Variants in SV2C observed in about 807,000 individuals in gnomAD.
The protein encoded by SV2C is synaptic vesicle glycoprotein 2C, also known as solute carrier family 22 member B3.
Under a neutral mutation model 79.7 loss-of-function variants are expected in SV2C, and 49 were observed. The observed-to-expected ratio is 0.61, with a 90% confidence interval of 0.49 to 0.78. The LOEUF is 0.78. SV2C is among the 30% of genes least tolerant of loss of function. SV2C has a pLI of 0.00. For synonymous variants in SV2C, 334 were observed against 333.2 expected (o/e 1.00, Z -0.03); for missense variants, 833 against 912.9 (o/e 0.91, Z 1.13).
intron 1 of SV2C, among the ~76,000 whole-genome samples, chr5:76,112,083 G>C (rs997793483): frequency 1.3e-5 from 2 of 152,202 alleles, no homozygotes; most frequent in Non-Finnish European, 2.9e-5. Flanking sequence ...AATGTATCAG[G>C]CATTCTGCTA....
chr5:76,161,387 T>C (rs10074325), intron 2 of SV2C, among the ~76,000 whole-genome samples: 100,873 of 152,078 alleles, frequency 0.66, 34,438 homozygotes, highest in East Asian at 0.97. Flanking sequence ...GATGGGATGG[T>C]GGTGGGGTGG....
chr5:76,280,682 T>C (rs554997703), intron 4 of SV2C, among the ~76,000 whole-genome samples: 3 of 152,258 alleles, frequency 2.0e-5, no homozygotes, highest in South Asian at 4.1e-4. Context: ...GCCTGGCTGC[T>C]TTCCCCGGGG....
chr5:76,121,296 A>C (rs961867668), intron 1 of SV2C, among the ~76,000 whole-genome samples: 2 of 152,046 alleles, frequency 1.3e-5, no homozygotes, highest in African/African-American at 4.8e-5. Flanking sequence ...AGGTTGCAAA[A>C]ATTTTCTCCC....
Position 76,132,040 on chromosome 5 carries a change from C to G in SV2C, c.290C>G (p.Pro97Arg), listed in dbSNP as rs368758509. The G allele has an allele frequency of 1.2e-6, 2 of 1,611,804 alleles. No homozygotes were observed. The highest frequency in any genetic ancestry group is 1.7e-5 in the Admixed American group (1 of 59,880). ...TATGAGGGGGAGTATCAGGGCATCCCCAGTATGAACCAAGCGAAGGACAGC... is the reference window on the plus strand; with the variant it reads ...TATGAGGGGGAGTATCAGGGCATCCGCAGTATGAACCAAGCGAAGGACAGC... ...EIYEGEYQGI[P>R]SMNQAKDSIV... is the part of the protein sequence containing the mutation. Residue 97 changes from proline (P) to arginine (R), a missense_variant, in exon 2 of 13, where the codon CCC (proline) becomes CGC (arginine). By Grantham distance (103) the Pro-to-Arg change is moderately radical. Transcript: ENST00000502798.
At chr5:76,002,472 A>G in the SV2C span, among the ~76,000 whole-genome samples, 2 of 152,230 alleles carry the variant, frequency 1.3e-5, no homozygotes, top group African/African-American at 4.8e-5. Flanking sequence ...GGGTGATAAA[A>G]GAGCTCTAAA....
intron 4 of SV2C, among the ~76,000 whole-genome samples, chr5:76,283,246 G>A (rs549197879): frequency 1.2e-4 from 18 of 152,214 alleles, no homozygotes; most frequent in African/African-American, 4.1e-4. Flanking sequence ...GAACCCAGGA[G>A]GTGGAGGTTG....
rs1749065690 is a variant in SV2C at position 76,328,173 on chromosome 5, G to A, written c.*2626G>A. On this transcript the variant is annotated 3_prime_UTR_variant, in exon 13 of 13. Transcript: ENST00000502798. ...TTAGCTGGAGATTAAGAAACAGCCA[G>A]GATATTAAACAGAAACTCTCAGTTG... is the stretch of plus-strand genomic sequence containing the variant. 2 of 152,188 alleles carry A rather than the reference G, an allele frequency of 1.3e-5. No individual in the cohort carries two copies. Among genetic ancestry groups the A allele is most frequent in the African/African-American group, 4.8e-5 (2 of 41,436 alleles). 9.4% of individuals were successfully genotyped at this position (152,188 alleles called of 1,614,324 possible).
chr5:75,994,475 T>A, the SV2C span, among the ~76,000 whole-genome samples: 1 of 151,692 alleles, frequency 6.6e-6, no homozygotes, highest in Non-Finnish European at 1.5e-5. Context: ...TGCCTTTGAC[T>A]AGTAATATAA....
chr5:76,085,557 A>C (rs943260860), intron 1 of SV2C, among the ~76,000 whole-genome samples: 2 of 152,094 alleles, frequency 1.3e-5, no homozygotes, highest in African/African-American at 4.8e-5. Context: ...GAAAGAAAGG[A>C]AGGGAGGGAG....
At chr5:76,041,340 A>G in the SV2C span, among the ~76,000 whole-genome samples, 1 of 152,178 alleles carries the variant, frequency 6.6e-6, no homozygotes, top group Non-Finnish European at 1.5e-5. Context: ...GCCCTGTTGC[A>G]AAGGGCCTCA....
At chr5:75,967,794 G>A in the SV2C span, among the ~76,000 whole-genome samples, 1,657 of 152,334 alleles carry the variant, frequency 0.011, 19 homozygotes, top group Non-Finnish European at 0.016. Flanking sequence ...AGACTTAAAT[G>A]TCCCTGTCTG....
the SV2C span, among the ~76,000 whole-genome samples, chr5:75,848,744 G>A: frequency 0.011 from 1,626 of 152,250 alleles, 32 homozygotes; most frequent in African/African-American, 0.036. Context: ...AAGTCTGAGT[G>A]TATTGGAACA....
In SV2C at chr5:76,173,917, T is replaced by C. The variant is rs751013736; in HGVS notation, c.581-21002T>C. 4.4e-6 allele frequency: 7 copies of C among 1,589,216 alleles called. 1 individual carries two copies. The Admixed American group carries it at 8.3e-5, about 19-fold the overall frequency. On this transcript the variant is annotated intron_variant, in intron 2 of 12. Transcript: ENST00000502798. Reference sequence around the variant, plus strand: ...CTCTCAGGTCTTGTAAATCGTTAAATGTGGACTGTGCTGTGATGGAATAAA... The same window carrying C: ...CTCTCAGGTCTTGTAAATCGTTAAACGTGGACTGTGCTGTGATGGAATAAA...
At chr5:75,990,738 G>A in the SV2C span, among the ~76,000 whole-genome samples, 11 of 151,832 alleles carry the variant, frequency 7.2e-5, no homozygotes, top group Non-Finnish European at 1.2e-4. Context: ...ACACCAACAT[G>A]GCACATGTAT....
At chr5:75,880,857 T>C in the SV2C span, among the ~76,000 whole-genome samples, 2,163 of 152,296 alleles carry the variant, frequency 0.014, 48 homozygotes, top group African/African-American at 0.047. Context: ...AAGAAATACC[T>C]GAGGCTGGGT....
At chr5:76,304,278 G>C (rs1580052822) in intron 12 of SV2C, among the ~76,000 whole-genome samples, 1 of 152,186 alleles carries the variant, frequency 6.6e-6, no homozygotes, top group African/African-American at 2.4e-5. Flanking sequence ...CGTGACCATG[G>C]CCATGGTAAA....
chr5:76,182,686 A>G (rs1743773593), intron 2 of SV2C, among the ~76,000 whole-genome samples: 1 of 152,142 alleles, frequency 6.6e-6, no homozygotes, highest in South Asian at 2.1e-4. Flanking sequence ...AGATTCAGTG[A>G]CCTGCCCTAG....
intron 12 of SV2C, among the ~76,000 whole-genome samples, chr5:76,345,285 A>G (rs140353579): frequency 1.4e-4 from 22 of 152,320 alleles, no homozygotes; most frequent in Admixed American, 1.2e-3. Context: ...GCAAATAAGC[A>G]TTCATTTAGG....
the SV2C span, among the ~76,000 whole-genome samples, chr5:76,025,670 C>G: frequency 1.3e-5 from 2 of 152,156 alleles, no homozygotes; most frequent in African/African-American, 4.8e-5. Context: ...CTGTTTAATA[C>G]ATGCCTGCAG....
Sources: allele counts gnomAD v4.1 joint callset (sites outside exome capture counted in the v4.1 genomes callset), GRCh38; gene constraint gnomAD v4.1.1; transcripts MANE v1.5; gene names NCBI Gene and HGNC (gene_info 2026-07-23, HGNC 2026-07-21).